The following ANKRD27 variants were observed in gnomAD, a reference collection of about 807,000 sequenced individuals.
ANKRD27 encodes the protein ankyrin repeat domain 27.
A neutral mutation model predicts 129.7 loss-of-function variants in ANKRD27; 112 were observed. The observed-to-expected ratio is 0.86, with a 90% CI of 0.74 to 1.01. ANKRD27 has a LOEUF of 1.01. ANKRD27 is among the 50% of genes least tolerant of loss of function. ANKRD27 has a pLI of 0.00. For missense variants in ANKRD27, 1,258 were observed against 1,300.5 expected, an observed-to-expected ratio of 0.97 and a Z score of 0.50; for synonymous variants, 516 against 511.2, an observed-to-expected ratio of 1.01 and a Z score of -0.13.
intron 1 of ANKRD27, among the ~76,000 whole-genome samples, chr19:32,660,858 G>T (rs1331630232): frequency 1.3e-5 from 2 of 150,750 alleles, no homozygotes; most frequent in African/African-American, 5.0e-5. Context: ...CCGCTGGGTT[G>T]TTGGCCTTTT....
intron 17 of ANKRD27, among the ~76,000 whole-genome samples, chr19:32,624,745 A>G (rs1023203774): frequency 1.3e-5 from 2 of 152,074 alleles, no homozygotes; most frequent in African/African-American, 2.4e-5. Context: ...ATGTAAGACC[A>G]GCCTGGGCAA....
At chr19:32,654,851 A>G (rs903521938) in intron 2 of ANKRD27, among the ~76,000 whole-genome samples, 1 of 152,008 alleles carries the variant, frequency 6.6e-6, no homozygotes, top group Non-Finnish European at 1.5e-5. Context: ...GCGCAATCTC[A>G]GCTCATTGCA....
At chr19:32,665,780 A>C (rs1412750405) in intron 1 of ANKRD27, among the ~76,000 whole-genome samples, 2 of 147,094 alleles carry the variant, frequency 1.4e-5, no homozygotes, top group Non-Finnish European at 3.0e-5. Context: ...TTGTTTTTCG[A>C]GACAGAGGTC....
intron 13 of ANKRD27, 74 bp from the exon 14 acceptor site, chr19:32,628,923 C>A (rs761351320): frequency 6.4e-7 from 1 of 1,573,766 alleles, no homozygotes; most frequent in Non-Finnish European, 8.7e-7. Flanking sequence ...TTTTGAGAGT[C>A]CTTTTTGGTT....
chr19:32,642,198 T>TTTTTTTAATGTTAC, intron 9 of ANKRD27, 53 bp from the exon 10 acceptor site: 4 of 1,489,528 alleles, frequency 2.7e-6, no homozygotes, highest in South Asian at 2.7e-5. Context: ...GAGAACCCTC[T>TTTTTTTAATGTTAC]GGCCTGGATC....
At chr19:32,612,222 AAAG>A (rs1971845463) in intron 22 of ANKRD27, among the ~76,000 whole-genome samples, 1 of 152,196 alleles carries the variant, frequency 6.6e-6, no homozygotes, top group South Asian at 2.1e-4. Context: ...GAAAGAAGTC[AAAG>A]AAGGCCTAAA....
chr19:32,600,269 G>A, intron 26 of ANKRD27: 1 of 418,598 alleles, frequency 2.4e-6, no homozygotes, highest in Non-Finnish European at 4.5e-6. Context: ...GCTGGGTGCA[G>A]TGGCTCATGC....
At chr19:32,650,476 C>T (rs1967391720) in intron 2 of ANKRD27, among the ~76,000 whole-genome samples, 1 of 152,096 alleles carries the variant, frequency 6.6e-6, no homozygotes, top group Non-Finnish European at 1.5e-5. Context: ...CACTTGAGGT[C>T]AGCAGTTTGA....
At chr19:32,631,785 C>T (rs150051867) in intron 12 of ANKRD27, among the ~76,000 whole-genome samples, 2 of 152,320 alleles carry the variant, frequency 1.3e-5, no homozygotes, top group African/African-American at 4.8e-5. Context: ...ATGCGGCGCA[C>T]ACACACCATT....
chr19:32,641,886 G>T, intron 10 of ANKRD27, 138 bp downstream of exon 10: 1 of 1,016,978 alleles, frequency 9.8e-7, no homozygotes, highest in Non-Finnish European at 1.3e-6. Flanking sequence ...TCCCACCTTG[G>T]CCTCCCAAAG....
At chr19:32,658,628 A>G (rs1357165168) in intron 2 of ANKRD27, among the ~76,000 whole-genome samples, 1 of 152,208 alleles carries the variant, frequency 6.6e-6, no homozygotes, top group Non-Finnish European at 1.5e-5. Context: ...AGAGCACCGC[A>G]GCGTGAGACC....
intron 12 of ANKRD27, among the ~76,000 whole-genome samples, chr19:32,634,409 C>T (rs1210022371): frequency 5.3e-5 from 8 of 152,200 alleles, no homozygotes; most frequent in East Asian, 1.9e-4. Flanking sequence ...CACAGCCAGC[C>T]GTGAGGATGA....
chr19:32,664,919 C>CAAA lies in ANKRD27; in HGVS notation c.-30-5877_-30-5875dup, dbSNP rs35300883. Among the ~76,000 whole-genome samples, 18 of 95,810 alleles carry CAAA rather than the reference C, an allele frequency of 1.9e-4. No homozygotes were observed. In the East Asian group the frequency reaches 2.3e-3, roughly 12 times the overall value. The allele number at this position is 95,810 out of a possible 152,430, so 62.9% of individuals were successfully genotyped here. A position where few individuals can be genotyped will look rare whatever the true frequency, so the allele number is the denominator to read the frequency against. On this transcript the variant is annotated intron_variant, in intron 1 of 28. Transcript: ENST00000306065. ...TGGGTGACAGAGTGAGACTCTGTCT[C>CAAA]AAAAAAAAAAAAAAAAAAAACTGTT...
rs371367543 is a variant in ANKRD27 at position 32,631,426 on chromosome 19, C to T, written c.1185G>A (p.Ser395=). The part of the protein sequence containing the change: ...QRMSLLSQMT[S]SPTDCLFKHI... ...CCTTAAACAGGCAGTCGGTGGGAGA[C>T]GAAGTCATCTGAGAGAGTAAGCTCA... The change falls in exon 13 of 29, where the codon TCG becomes TCA. Residue 395 remains serine, a synonymous_variant. Coordinates refer to ENST00000306065, the MANE Select transcript of ANKRD27 (RefSeq NM_032139.3). 7.2e-5 allele frequency: 116 copies of T among 1,613,988 alleles called. No individual in the cohort carries two copies. The East Asian group carries it at 8.0e-4, about 11-fold the overall frequency.
chr19:32,615,990 A>G (rs1002637877), intron 21 of ANKRD27, among the ~76,000 whole-genome samples: 2 of 152,142 alleles, frequency 1.3e-5, no homozygotes, highest in African/African-American at 2.4e-5. Flanking sequence ...TTCTTCTATC[A>G]TAAAAAAGGA....
chr19:32,634,825 G>C (rs1967060657), intron 12 of ANKRD27, among the ~76,000 whole-genome samples: 2 of 152,164 alleles, frequency 1.3e-5, no homozygotes, highest in African/African-American at 2.4e-5. Context: ...TGAGGCAGGA[G>C]AATCGCTTGA....
Position 32,605,866 on chromosome 19 carries a change from C to G in ANKRD27, c.2462G>C (p.Gly821Ala). The change falls in exon 24 of 29, where the codon GGC becomes GCC. Residue 821 changes from glycine to alanine, a missense_variant. By Grantham distance (60) the Gly-to-Ala change is moderately conservative. Transcript: ENST00000306065. ...CAGCAGTGCCACAAGCTCGTGATGG[C>G]CACCGGAGCAGGCGTAAATGAGGGG... is the stretch of plus-strand genomic sequence containing the variant. ...NTPLIYACSG[G>A]HHELVALLLQ... 6.2e-7 allele frequency: 1 copy of G among 1,613,932 alleles called. No individual in the cohort carries two copies. The highest frequency in any genetic ancestry group is 8.5e-7 in the Non-Finnish European group (1 of 1,179,912).
chr19:32,617,290 T>C (rs1467568669), intron 21 of ANKRD27, among the ~76,000 whole-genome samples: 1 of 152,092 alleles, frequency 6.6e-6, no homozygotes, highest in Non-Finnish European at 1.5e-5. Context: ...ACACCTGTAA[T>C]CCAAGTACTT....
chr19:32,622,640 G>A, intron 17 of ANKRD27, 21 bp from the exon 18 acceptor site: 1 of 1,611,956 alleles, frequency 6.2e-7, no homozygotes, highest in Non-Finnish European at 8.5e-7. Flanking sequence ...ATGGGGAAAT[G>A]GCATCGCTCA....
Sources: gnomAD v4.1 joint callset for allele counts (sites outside exome capture counted in the v4.1 genomes callset) on GRCh38, gnomAD v4.1.1 for gene constraint, MANE v1.5 for transcripts, NCBI Gene and HGNC (gene_info 2026-07-23, HGNC 2026-07-21) for gene names.